KCNIP4: variants seen among roughly 807,000 people sequenced by gnomAD.
KCNIP4 encodes the protein Kv channel-interacting protein 4.
Under a neutral mutation model 34.0 loss-of-function variants are expected in KCNIP4, and 12 were observed. The ratio of observed to expected loss-of-function variants is 0.35; its 90% CI spans 0.23 to 0.57. The LOEUF is 0.57. KCNIP4 is among the 20% of genes least tolerant of loss of function. The probability of loss-of-function intolerance (pLI) is 0.83; values close to 1 mark genes in which losing one functional copy is unlikely to be tolerated. For synonymous variants in KCNIP4, 124 were observed against 102.2 expected, an observed-to-expected ratio of 1.21 and a Z score of -1.29; for missense variants, 238 against 311.7, an observed-to-expected ratio of 0.76 and a Z score of 1.78.
intron 1 of KCNIP4, among the ~76,000 whole-genome samples, chr4:21,137,896 G>A (rs186114809): frequency 2.0e-5 from 1 of 48,922 alleles, no homozygotes; most frequent in African/African-American, 1.2e-4. Flanking sequence ...TTTTTTGATG[G>A]AGTCTTGCTC....
At chr4:21,934,061 T>C (rs948882455) in intron 1 of KCNIP4, among the ~76,000 whole-genome samples, 3 of 152,076 alleles carry the variant, frequency 2.0e-5, no homozygotes, top group Non-Finnish European at 4.4e-5. Flanking sequence ...TATTCTGAGT[T>C]GGTTAGTCTT....
At chr4:20,755,889 T>C (rs1024526137) in intron 4 of KCNIP4, among the ~76,000 whole-genome samples, 2 of 150,480 alleles carry the variant, frequency 1.3e-5, no homozygotes, top group Non-Finnish European at 3.0e-5. Flanking sequence ...CTGGGTGGGG[T>C]AAGTTGGGTG....
At chr4:21,670,780 C>T (rs956155871) in intron 1 of KCNIP4, among the ~76,000 whole-genome samples, 1 of 151,924 alleles carries the variant, frequency 6.6e-6, no homozygotes, top group Non-Finnish European at 1.5e-5. Context: ...CTCAGCCTCC[C>T]GAGTAGCTGG....
At chr4:20,864,206 ACATG>A (rs1396142423) in intron 2 of KCNIP4, among the ~76,000 whole-genome samples, 1 of 150,534 alleles carries the variant, frequency 6.6e-6, no homozygotes, top group Admixed American at 6.6e-5. Flanking sequence ...GTATGTACAC[ACATG>A]CATGTATATA....
At chr4:21,820,283 G>GTATATATA (rs1288802050) in intron 1 of KCNIP4, among the ~76,000 whole-genome samples, 69 of 127,432 alleles carry the variant, frequency 5.4e-4, no homozygotes, top group African/African-American at 1.6e-3. Context: ...ATGTGTGTGT[G>GTATATATA]TGTATATATA....
At chr4:21,275,014 A>T (rs1394126237) in intron 1 of KCNIP4, among the ~76,000 whole-genome samples, 1 of 152,176 alleles carries the variant, frequency 6.6e-6, no homozygotes, top group Non-Finnish European at 1.5e-5. Flanking sequence ...ACCTAAAGCC[A>T]TTACTCAAAT....
chr4:21,146,184 G>A (rs1293315141), intron 1 of KCNIP4, among the ~76,000 whole-genome samples: 1 of 152,118 alleles, frequency 6.6e-6, no homozygotes, highest in Non-Finnish European at 1.5e-5. Flanking sequence ...GGATCACGAG[G>A]TCACGAGATC....
intron 1 of KCNIP4, among the ~76,000 whole-genome samples, chr4:21,776,410 A>G (rs2109202318): frequency 6.6e-6 from 1 of 152,320 alleles, no homozygotes; most frequent in South Asian, 2.1e-4. Flanking sequence ...AGTTTCTTCA[A>G]CATGAGTCAT....
At chr4:21,044,701 T>A (rs1048932596) in intron 1 of KCNIP4, among the ~76,000 whole-genome samples, 8 of 152,122 alleles carry the variant, frequency 5.3e-5, no homozygotes, top group African/African-American at 1.9e-4. Flanking sequence ...TACTTCCACA[T>A]CAACTTGCCA....
intron 1 of KCNIP4, among the ~76,000 whole-genome samples, chr4:21,247,510 A>G (rs1038576989): frequency 1.3e-5 from 2 of 150,164 alleles, no homozygotes; most frequent in African/African-American, 4.9e-5. Context: ...ATGCATGCAG[A>G]GGGACGATAT....
chr4:21,757,008 A>T (rs192708752), intron 1 of KCNIP4, among the ~76,000 whole-genome samples: 3 of 151,358 alleles, frequency 2.0e-5, no homozygotes, highest in African/African-American at 7.3e-5. Flanking sequence ...GAGGCAGCAG[A>T]ATCGCTTGAA....
rs1189227221 is a variant in KCNIP4 at position 21,639,612 on chromosome 4, G to A, written c.61+308959C>T. ...ATAATGTTTCTTCTTGTTTCAAAAA[G>A]CAATATAAACAACTTCTAGGACATT... On this transcript the variant is annotated intron_variant, in intron 1 of 8. Transcript: ENST00000382152. Among the ~76,000 whole-genome samples the A allele has an allele frequency of 2.0e-5, 3 of 151,968 alleles. No homozygotes were observed. The East Asian group carries it at 5.8e-4, about 29-fold the overall frequency.
chr4:21,087,567 C>T lies in KCNIP4; in HGVS notation c.62-204858G>A, dbSNP rs559998809. ...CCTCCCAAAGTGATGGGATTACAGG[C>T]GTGAGCCACTGCACCTGGCCAGGTG... On this transcript the variant is annotated intron_variant, in intron 1 of 8. Coordinates refer to ENST00000382152, the MANE Select transcript of KCNIP4 (RefSeq NM_025221.6). Among the ~76,000 whole-genome samples the T allele has an allele frequency of 2.7e-4, 41 of 152,210 alleles. No homozygotes were observed. In the South Asian group the frequency reaches 7.9e-3, roughly 29 times the overall value.
intron 1 of KCNIP4, among the ~76,000 whole-genome samples, chr4:21,438,819 AT>A (rs1438125208): frequency 1.3e-5 from 2 of 152,032 alleles, no homozygotes; most frequent in Non-Finnish European, 2.9e-5. Context: ...TTTCAGGAGA[AT>A]TTCAGGGGTA....
At chr4:21,247,051 TAACTC>T (rs764646975) in intron 1 of KCNIP4, among the ~76,000 whole-genome samples, 24 of 152,268 alleles carry the variant, frequency 1.6e-4, no homozygotes, top group African/African-American at 3.1e-4. Flanking sequence ...TTTAATAACT[TAACTC>T]AAATCAGCAA....
At chr4:21,261,414 A>G (rs1387923467) in intron 1 of KCNIP4, among the ~76,000 whole-genome samples, 1 of 152,196 alleles carries the variant, frequency 6.6e-6, no homozygotes, top group Non-Finnish European at 1.5e-5. Flanking sequence ...GTTAAGAGTC[A>G]GATTAGAATA....
intron 1 of KCNIP4, among the ~76,000 whole-genome samples, chr4:21,154,801 T>C (rs1038350256): frequency 2.0e-5 from 3 of 152,160 alleles, no homozygotes; most frequent in Non-Finnish European, 2.9e-5. Flanking sequence ...TCCTTGACTT[T>C]TCCTCTTTTT....
At chr4:21,842,047 G>T (rs538624078) in intron 1 of KCNIP4, among the ~76,000 whole-genome samples, 119 of 152,178 alleles carry the variant, frequency 7.8e-4, no homozygotes, top group African/African-American at 2.7e-3. Flanking sequence ...ACATACCTTG[G>T]CAGAACCTGT....
chr4:21,734,785 C>T (rs1178195378), intron 1 of KCNIP4, among the ~76,000 whole-genome samples: 2 of 151,914 alleles, frequency 1.3e-5, no homozygotes, highest in Non-Finnish European at 2.9e-5. Context: ...ACATTTAACT[C>T]GAGATATTTT....
Sources: allele counts gnomAD v4.1 joint callset (sites outside exome capture counted in the v4.1 genomes callset), GRCh38; gene constraint gnomAD v4.1.1; transcripts MANE v1.5; gene names NCBI Gene and HGNC (gene_info 2026-07-23, HGNC 2026-07-21).